The following R3HDM1 variants were observed in gnomAD, a reference collection of about 807,000 sequenced individuals.
R3HDM1 encodes R3H domain containing 1.
In R3HDM1, 46 loss-of-function variants were observed where a neutral mutation model predicts 141.1. The observed-to-expected ratio is 0.33, with a 90% CI of 0.26 to 0.42. The LOEUF is 0.42. Ranked by LOEUF, R3HDM1 falls within the 10% of genes least tolerant of loss-of-function variation. The pLI is 1.00. For missense variants in R3HDM1, 1,184 were observed against 1,368.3 expected (o/e 0.87, Z 2.12); for synonymous variants, 435 against 472.9 (o/e 0.92, Z 1.04).
chr2:135,549,575 A>AT (rs971523124), intron 1 of R3HDM1, among the ~76,000 whole-genome samples: 6 of 151,236 alleles, frequency 4.0e-5, no homozygotes, highest in Non-Finnish European at 7.4e-5. Flanking sequence ...AAAAAAAAAA[A>AT]AAAAAACAAA....
chr2:135,709,575 A>ATGAGAAAT (rs1257142636), intron 22 of R3HDM1, 39 bp downstream of exon 22: 4 of 1,606,096 alleles, frequency 2.5e-6, no homozygotes, highest in Non-Finnish European at 3.4e-6. Flanking sequence ...ATTGGTTCAT[A>ATGAGAAAT]TGAGAAATAG....
rs114261207 is a variant in R3HDM1, at chr2:135,638,301, G to A, written c.904-317G>A. On this transcript the variant is annotated intron_variant, in intron 11 of 26. Transcript: ENST00000683871. ...ATCAAATATTTGTTAAGTGAATGAA[G>A]TGGAATATGTATCCTATATATACCT... 3.0e-3 allele frequency among the ~76,000 whole-genome samples: 453 copies of A among 152,260 alleles called. 2 individuals carry two copies. The highest frequency in any genetic ancestry group is 0.01 in the African/African-American group (427 of 41,544).
chr2:135,683,468 C>A (rs939994172), intron 21 of R3HDM1, among the ~76,000 whole-genome samples: 2 of 149,988 alleles, frequency 1.3e-5, no homozygotes, highest in African/African-American at 4.9e-5. Context: ...GCAGGAGAAT[C>A]GCTTGAACCT....
intron 1 of R3HDM1, among the ~76,000 whole-genome samples, chr2:135,575,756 C>T (rs1041076579): frequency 6.6e-5 from 10 of 152,096 alleles, no homozygotes; most frequent in Non-Finnish European, 1.0e-4. Flanking sequence ...TTTTTCAATA[C>T]TTAAGTCATA....
intron 1 of R3HDM1, among the ~76,000 whole-genome samples, chr2:135,597,727 A>G (rs761910165): frequency 6.6e-6 from 1 of 152,222 alleles, no homozygotes; most frequent in African/African-American, 2.4e-5. Context: ...AATTCTGTTC[A>G]GATAACATCA....
At chr2:135,657,368 G>T (rs1439261491) in intron 18 of R3HDM1, among the ~76,000 whole-genome samples, 2 of 147,154 alleles carry the variant, frequency 1.4e-5, no homozygotes, top group African/African-American at 5.1e-5. Flanking sequence ...CTGAGATTGC[G>T]CCACTTCACT....
rs1292198646 is a variant in R3HDM1, at chr2:135,651,674, A to G, written c.1726-56A>G. 6 of 1,504,134 alleles carry G rather than the reference A, an allele frequency of 4.0e-6. No homozygotes were observed. In the African/African-American group the frequency reaches 7.0e-5, roughly 17 times the overall value. 93.2% of individuals were successfully genotyped at this position (1,504,134 alleles called of 1,614,324 possible). A position where few individuals can be genotyped will look rare whatever the true frequency, so the allele number is the denominator to read the frequency against. On this transcript the variant is annotated intron_variant, in intron 17 of 26. Transcript: ENST00000683871. ...TAAAAATAGGAAGTATTTTTCTTTG[A>G]TAAGTTTGGCCTATGTGTAGAAGGC...
chr2:135,557,779 A>C (rs913259245), intron 1 of R3HDM1, among the ~76,000 whole-genome samples: 2 of 152,204 alleles, frequency 1.3e-5, no homozygotes, highest in African/African-American at 4.8e-5. Context: ...AGTGGAACTT[A>C]ACTGCCAGGC....
At chr2:135,544,680 G>C (rs1349858612) in intron 1 of R3HDM1, among the ~76,000 whole-genome samples, 3 of 152,240 alleles carry the variant, frequency 2.0e-5, no homozygotes, top group African/African-American at 7.2e-5. Flanking sequence ...CACAGGGCCA[G>C]GCATGGTGGC....
intron 21 of R3HDM1, among the ~76,000 whole-genome samples, chr2:135,708,484 G>A (rs2075218436): frequency 6.6e-6 from 1 of 152,122 alleles, no homozygotes; most frequent in African/African-American, 2.4e-5. Context: ...AAGAAATACT[G>A]TTTTTGTAAG....
intron 23 of R3HDM1, among the ~76,000 whole-genome samples, chr2:135,713,564 C>T (rs2075881590): frequency 6.6e-6 from 1 of 152,144 alleles, no homozygotes; most frequent in African/African-American, 2.4e-5. Context: ...AAACTGTGAA[C>T]AGTCTTGACA....
intron 1 of R3HDM1, chr2:135,584,156 C>A (rs1018128440): frequency 1.2e-5 from 8 of 664,226 alleles, no homozygotes; most frequent in African/African-American, 9.9e-5. Flanking sequence ...GGTGAAACAC[C>A]ATCTCTAATA....
At chr2:135,589,047 C>T (rs1345757235) in intron 1 of R3HDM1, among the ~76,000 whole-genome samples, 5 of 152,070 alleles carry the variant, frequency 3.3e-5, no homozygotes, top group Admixed American at 2.0e-4. Flanking sequence ...GAAGAACAGA[C>T]GCTCATTTAG....
At chr2:135,546,350 C>T (rs952598413) in intron 1 of R3HDM1, among the ~76,000 whole-genome samples, 2 of 152,162 alleles carry the variant, frequency 1.3e-5, no homozygotes, top group African/African-American at 4.8e-5. Context: ...GCCCTCTTCC[C>T]TTCCCTTCCT....
intron 14 of R3HDM1, among the ~76,000 whole-genome samples, chr2:135,639,833 A>T (rs761792226): frequency 6.6e-6 from 1 of 152,230 alleles, no homozygotes; most frequent in Admixed American, 6.5e-5. Context: ...GCAGTGGCTC[A>T]TGCCTGTAAT....
chr2:135,613,251 G>C (rs1191843962), intron 3 of R3HDM1, among the ~76,000 whole-genome samples: 1 of 152,176 alleles, frequency 6.6e-6, no homozygotes, highest in Non-Finnish European at 1.5e-5. Flanking sequence ...GTTTGTTGAA[G>C]CTGTAGGTCT....
At chr2:135,627,404 A>G (rs2105200416) in intron 7 of R3HDM1, among the ~76,000 whole-genome samples, 1 of 152,288 alleles carries the variant, frequency 6.6e-6, no homozygotes, top group East Asian at 1.9e-4. Flanking sequence ...TAAATAAACT[A>G]AATTTCAGGG....
intron 6 of R3HDM1, 141 bp from the exon 7 acceptor site, chr2:135,622,513 T>C: frequency 1.5e-6 from 2 of 1,330,956 alleles, no homozygotes; most frequent in Non-Finnish European, 1.9e-6. Context: ...CTGATTTCAT[T>C]GTAACTTTTC....
intron 6 of R3HDM1, 63 bp from the exon 7 acceptor site, chr2:135,622,591 A>T: frequency 6.6e-7 from 1 of 1,505,374 alleles, no homozygotes; most frequent in East Asian, 2.4e-5. Flanking sequence ...CATCATGTGT[A>T]AAAGGGAATG....
Sources: gnomAD v4.1 joint callset for allele counts (sites outside exome capture counted in the v4.1 genomes callset) on GRCh38, gnomAD v4.1.1 for gene constraint, MANE v1.5 for transcripts, NCBI Gene and HGNC (gene_info 2026-07-23, HGNC 2026-07-21) for gene names.